Variants in NEK1 observed in about 807,000 individuals in gnomAD.
The protein encoded by NEK1 is serine/threonine-protein kinase Nek1.
NEK1 carries 137 observed loss-of-function variants against 182.1 expected under a neutral mutation model. The ratio of observed to expected loss-of-function variants is 0.75; its 90% CI spans 0.65 to 0.87. NEK1 has a LOEUF of 0.87. Ranked by LOEUF, NEK1 falls within the 40% of genes least tolerant of loss-of-function variation. The probability of loss-of-function intolerance (pLI) is 0.00; values close to 1 mark genes in which losing one functional copy is unlikely to be tolerated. For missense variants in NEK1, 1,391 were observed against 1,494.4 expected (o/e 0.93, Z 1.14); for synonymous variants, 513 against 492.2 (o/e 1.04, Z -0.56).
intron 27 of NEK1, among the ~76,000 whole-genome samples, chr4:169,448,579 GAATTA>G (rs1197152216): frequency 1.3e-5 from 2 of 152,158 alleles, no homozygotes; most frequent in Non-Finnish European, 2.9e-5. Flanking sequence ...CAAAATGGCA[GAATTA>G]AGTCTTTACT....
intron 23 of NEK1, among the ~76,000 whole-genome samples, chr4:169,491,163 AG>A (rs371383070): frequency 0.034 from 3,674 of 109,184 alleles, 550 homozygotes; most frequent in African/African-American, 0.16. Context: ...AAAAAAAAAA[AG>A]AGAGATGGAG....
chr4:169,524,997 C>T (rs1024932799), intron 19 of NEK1, among the ~76,000 whole-genome samples: 3 of 152,176 alleles, frequency 2.0e-5, no homozygotes, highest in Non-Finnish European at 4.4e-5. Context: ...AAATGTTTGC[C>T]AATCCTTGAG....
At chr4:169,399,049 G>A (rs1296869096) in intron 35 of NEK1, among the ~76,000 whole-genome samples, 1 of 151,556 alleles carries the variant, frequency 6.6e-6, no homozygotes, top group Non-Finnish European at 1.5e-5. Flanking sequence ...AGGAGTTCGA[G>A]GCCAGCCTGG....
At chr4:169,581,039 T>TAAAAAAAAAAAA (rs34236215) in intron 10 of NEK1, 137 bp from the exon 11 acceptor site, 1 of 128,952 alleles carries the variant, frequency 7.8e-6, no homozygotes, top group Non-Finnish European at 1.5e-5. Flanking sequence ...ACCAAGTTGT[T>TAAAAAAAAAAAA]AAAAAAAAAA....
At chr4:169,428,351 G>GATAGATATATATATAT (rs1736771741) in intron 29 of NEK1, among the ~76,000 whole-genome samples, 1 of 93,224 alleles carries the variant, frequency 1.1e-5, no homozygotes, top group Non-Finnish European at 2.2e-5. Flanking sequence ...AAATATATGG[G>GATAGATATATATATAT]ATATATATAT....
chr4:169,549,394 T>A (rs11725103), intron 18 of NEK1, among the ~76,000 whole-genome samples: 1 of 152,112 alleles, frequency 6.6e-6, no homozygotes, highest in Non-Finnish European at 1.5e-5. Flanking sequence ...ACCAGAGCTG[T>A]TCCTATTCGG....
chr4:169,457,082 TG>T (rs1561221534), intron 27 of NEK1, among the ~76,000 whole-genome samples: 1 of 152,060 alleles, frequency 6.6e-6, no homozygotes, highest in East Asian at 1.9e-4. Flanking sequence ...TGGTGGGTGG[TG>T]GGGGATGGTT....
intron 29 of NEK1, among the ~76,000 whole-genome samples, chr4:169,433,168 T>C (rs541252166): frequency 1.3e-5 from 2 of 152,302 alleles, no homozygotes; most frequent in African/African-American, 4.8e-5. Context: ...CAAGCAATTC[T>C]TGTGCCTCAG....
chr4:169,544,641 A>G (rs1349110768), intron 18 of NEK1, among the ~76,000 whole-genome samples: 1 of 87,996 alleles, frequency 1.1e-5, no homozygotes, highest in Non-Finnish European at 2.2e-5. Context: ...TAGGCTATTA[A>G]TTACTGCCTC....
At chr4:169,434,655 T>C (rs541603667) in intron 28 of NEK1, among the ~76,000 whole-genome samples, 12 of 152,184 alleles carry the variant, frequency 7.9e-5, no homozygotes, top group Non-Finnish European at 1.2e-4. Flanking sequence ...AGATTATCAA[T>C]AATATCCTGT....
intron 29 of NEK1, among the ~76,000 whole-genome samples, chr4:169,427,264 C>T (rs1199713158): frequency 6.6e-6 from 1 of 151,288 alleles, no homozygotes; most frequent in African/African-American, 2.4e-5. Context: ...GTAGCTGGGA[C>T]TACAGGAGCC....
intron 10 of NEK1, among the ~76,000 whole-genome samples, chr4:169,584,034 G>T (rs1028677962): frequency 3.9e-5 from 6 of 152,102 alleles, no homozygotes; most frequent in African/African-American, 1.4e-4. Flanking sequence ...TACTGAAGAG[G>T]TTAACAGTTA....
chr4:169,533,538 T>C (rs1757994995), intron 19 of NEK1, among the ~76,000 whole-genome samples: 1 of 152,150 alleles, frequency 6.6e-6, no homozygotes, highest in Admixed American at 6.5e-5. Context: ...AACAATTATA[T>C]ACTACCAGCG....
At chr4:169,550,005 A>C (rs1345422105) in intron 18 of NEK1, among the ~76,000 whole-genome samples, 1 of 152,164 alleles carries the variant, frequency 6.6e-6, no homozygotes, top group Non-Finnish European at 1.5e-5. Flanking sequence ...CAGATTCTTT[A>C]ATTATTCCTC....
chr4:169,568,441 C>G (rs1306417973), intron 12 of NEK1, among the ~76,000 whole-genome samples: 1 of 152,028 alleles, frequency 6.6e-6, no homozygotes, highest in East Asian at 1.9e-4. Context: ...AAATTTTGAT[C>G]CACGGCACAT....
chr4:169,421,820 C>T (rs567820276), intron 31 of NEK1, among the ~76,000 whole-genome samples: 2 of 152,192 alleles, frequency 1.3e-5, no homozygotes, highest in African/African-American at 2.4e-5. Flanking sequence ...GAATTTCAAT[C>T]TTCTCTCAGC....
At chr4:169,456,290 T>C (rs958380369) in intron 27 of NEK1, among the ~76,000 whole-genome samples, 6 of 151,990 alleles carry the variant, frequency 3.9e-5, no homozygotes, top group Admixed American at 1.3e-4. Context: ...GACAATCTAA[T>C]GATCCATCTT....
intron 10 of NEK1, among the ~76,000 whole-genome samples, chr4:169,583,835 A>T (rs1422205354): frequency 6.6e-6 from 1 of 152,196 alleles, no homozygotes; most frequent in Non-Finnish European, 1.5e-5. Context: ...TAATCTCCAA[A>T]TTTTATTTGG....
intron 19 of NEK1, among the ~76,000 whole-genome samples, chr4:169,530,103 A>C (rs1224129073): frequency 2.0e-5 from 3 of 152,194 alleles, no homozygotes; most frequent in Admixed American, 2.0e-4. Flanking sequence ...CAAAAATTGG[A>C]AACATCTCAA....
Sources: allele counts gnomAD v4.1 joint callset (sites outside exome capture counted in the v4.1 genomes callset), GRCh38; gene constraint gnomAD v4.1.1; transcripts MANE v1.5; gene names NCBI Gene and HGNC (gene_info 2026-07-23, HGNC 2026-07-21).